The following CACNA1C variants were observed in gnomAD, a reference collection of about 807,000 sequenced individuals.
The protein encoded by CACNA1C is voltage-dependent L-type calcium channel subunit alpha-1C.
CACNA1C carries 30 observed loss-of-function variants against 229.0 expected under a neutral mutation model. The ratio of observed to expected loss-of-function variants is 0.13; its 90% confidence interval spans 0.10 to 0.18. The LOEUF is 0.18. Ranked by LOEUF, CACNA1C falls within the 10% of genes least tolerant of loss-of-function variation. CACNA1C has a pLI of 1.00. For missense variants in CACNA1C, 1,658 were observed against 2,845.0 expected, an observed-to-expected ratio of 0.58 and a Z score of 9.49; for synonymous variants, 1,114 against 1,132.5, an observed-to-expected ratio of 0.98 and a Z score of 0.33.
rs1235468400 is a variant in CACNA1C, at chr12:2,595,931, C to G, written c.2721C>G (p.Leu907=). The G allele has an allele frequency of 6.2e-7, 1 of 1,613,776 alleles. No homozygotes were observed. The highest frequency in any genetic ancestry group is 1.7e-5 in the Admixed American group (1 of 60,018). ...VNDTIFTNLI[L]FFILLSSISL... ...ACACGATCTTCACCAACCTGATCCTCTTCTTCATTCTGCTCAGCAGCATTT... is the reference window on the plus strand; with the variant it reads ...ACACGATCTTCACCAACCTGATCCTGTTCTTCATTCTGCTCAGCAGCATTT... Residue 907 remains leucine (L), a synonymous_variant, in exon 20 of 47, where the codon CTC becomes CTG. Coordinates refer to ENST00000399655, the MANE Select transcript of CACNA1C (RefSeq NM_000719.7). The surrounding 1 kb of genome is among the most constrained non-coding windows in gnomAD (Gnocchi z 4.1).
chr12:2,141,721 G>C (rs1405769803), intron 3 of CACNA1C, among the ~76,000 whole-genome samples: 1 of 151,430 alleles, frequency 6.6e-6, no homozygotes, highest in African/African-American at 2.4e-5. Flanking sequence ...GCCCTGGGTA[G>C]ACTTTGGCCT....
intron 1 of CACNA1C, among the ~76,000 whole-genome samples, chr12:2,031,985 G>T (rs1218371384): frequency 9.5e-6 from 1 of 105,682 alleles, no homozygotes; most frequent in Admixed American, 8.5e-5. Context: ...GTGTGTGTGT[G>T]AGTGTGTTTG....
chr12:2,391,806 C>G (rs1031674623), intron 3 of CACNA1C, among the ~76,000 whole-genome samples: 4 of 152,228 alleles, frequency 2.6e-5, no homozygotes, highest in Admixed American at 1.3e-4. Flanking sequence ...ATCGAATCCA[C>G]TAGCCACTAA....
At chr12:2,452,203 C>T (rs891320557) in intron 4 of CACNA1C, among the ~76,000 whole-genome samples, 6 of 152,104 alleles carry the variant, frequency 3.9e-5, no homozygotes, top group Non-Finnish European at 8.8e-5. Context: ...CTGAGAGCCT[C>T]ATCTCTGCAT....
chr12:2,166,308 C>T (rs1443241011), intron 3 of CACNA1C, among the ~76,000 whole-genome samples: 1 of 152,232 alleles, frequency 6.6e-6, no homozygotes, highest in Non-Finnish European at 1.5e-5. Flanking sequence ...GATTATCACT[C>T]ACACCCCTTT....
At chr12:2,264,675 G>A (rs1036366483) in intron 3 of CACNA1C, among the ~76,000 whole-genome samples, 8 of 152,144 alleles carry the variant, frequency 5.3e-5, no homozygotes, top group Admixed American at 4.6e-4. Flanking sequence ...TTGGCAGCCC[G>A]GAGGCCAGCC....
rs192173069 is a variant in CACNA1C, at chr12:2,647,743, C to T, written c.3913-732C>T. On this transcript the variant is annotated intron_variant, in intron 30 of 46. Coordinates refer to ENST00000399655, the MANE Select transcript of CACNA1C (RefSeq NM_000719.7). The surrounding 1 kb of genome is among the most constrained non-coding windows in gnomAD (Gnocchi z 4.2). The stretch of plus-strand genomic sequence containing the variant: ...AGGATAGGCTCTGGGGTCAGCAAGG[C>T]CTCTGTCCTTCAGCTGGCCCTGCCT... Among the ~76,000 whole-genome samples the T allele has an allele frequency of 3.3e-5, 5 of 152,280 alleles. No homozygotes were observed. Among genetic ancestry groups the T allele is most frequent in the Non-Finnish European group, 5.9e-5 (4 of 68,004 alleles).
intron 3 of CACNA1C, among the ~76,000 whole-genome samples, chr12:2,361,050 G>A (rs964372003): frequency 6.6e-6 from 1 of 151,922 alleles, no homozygotes; most frequent in Non-Finnish European, 1.5e-5. Flanking sequence ...TTTTAAATGT[G>A]TAGCTTGGAA....
intron 3 of CACNA1C, among the ~76,000 whole-genome samples, chr12:2,418,298 T>C (rs113549397): frequency 0.013 from 2,007 of 152,266 alleles, 46 homozygotes; most frequent in African/African-American, 0.046. Context: ...TTCAGATGGC[T>C]ATAAATACAA....
intron 1 of CACNA1C, among the ~76,000 whole-genome samples, chr12:2,010,403 G>C (rs1209124224): frequency 6.6e-6 from 1 of 152,136 alleles, no homozygotes; most frequent in Admixed American, 6.6e-5. Context: ...TCTACCAGGG[G>C]GGGCTTTTGC....
At chr12:2,572,467 TTCCTCCTTCTCCTCTTCCTCC>T (rs2055804203) in intron 13 of CACNA1C, among the ~76,000 whole-genome samples, 1 of 37,832 alleles carries the variant, frequency 2.6e-5, no homozygotes. Flanking sequence ...CCTCCTCCTC[TTCCTCCTTCTCCTCTTCCTCC>T]TCCTCCTCCT....
intron 1 of CACNA1C, among the ~76,000 whole-genome samples, chr12:1,998,969 CA>C (rs1451842429): frequency 7.9e-5 from 12 of 152,198 alleles, no homozygotes; most frequent in Non-Finnish European, 1.3e-4. Flanking sequence ...GTCAAAACAG[CA>C]GTTTTTAAAA....
chr12:2,366,094 C>A (rs186930839), intron 3 of CACNA1C, among the ~76,000 whole-genome samples: 2 of 152,300 alleles, frequency 1.3e-5, no homozygotes, highest in East Asian at 1.9e-4. Flanking sequence ...ATAAAATGGA[C>A]CAATGGTGAA....
intron 3 of CACNA1C, among the ~76,000 whole-genome samples, chr12:2,252,839 C>A (rs2076086373): frequency 6.6e-6 from 1 of 151,894 alleles, no homozygotes; most frequent in South Asian, 2.1e-4. Flanking sequence ...TAGAGGATGG[C>A]ACTTTGCTGG....
chr12:2,014,983 T>C (rs1381817329), intron 1 of CACNA1C, among the ~76,000 whole-genome samples: 6 of 152,198 alleles, frequency 3.9e-5, no homozygotes, highest in Non-Finnish European at 7.3e-5. Context: ...ATGCAAATAG[T>C]ATATCCTTGA....
At chr12:2,481,778 C>A (rs888147170) in intron 5 of CACNA1C, among the ~76,000 whole-genome samples, 1 of 152,228 alleles carries the variant, frequency 6.6e-6, no homozygotes. Context: ...TCAGATCTTA[C>A]CCTGATGTAG....
At chr12:2,579,178 T>C (rs1390332026) in intron 13 of CACNA1C, among the ~76,000 whole-genome samples, 1 of 152,148 alleles carries the variant, frequency 6.6e-6, no homozygotes, top group African/African-American at 2.4e-5. Flanking sequence ...CAGACATACC[T>C]GGGTCTCAGG....
At chr12:2,584,175 T>C (rs1369858493) in intron 15 of CACNA1C, among the ~76,000 whole-genome samples, 1 of 152,208 alleles carries the variant, frequency 6.6e-6, no homozygotes, top group Non-Finnish European at 1.5e-5. Flanking sequence ...GTTTATAATG[T>C]CAATTACAGC....
intron 1 of CACNA1C, among the ~76,000 whole-genome samples, chr12:2,016,930 A>G (rs1241002023): frequency 6.6e-6 from 1 of 152,162 alleles, no homozygotes; most frequent in Non-Finnish European, 1.5e-5. Flanking sequence ...CAAGTTTGGG[A>G]AGCACTGGTT....
Sources: allele counts gnomAD v4.1 joint callset (sites outside exome capture counted in the v4.1 genomes callset), GRCh38; gene constraint gnomAD v4.1.1; non-coding constraint Gnocchi (gnomAD v3.1); transcripts MANE v1.5; gene names NCBI Gene and HGNC (gene_info 2026-07-23, HGNC 2026-07-21).